PMFBP1: variants seen among roughly 807,000 people sequenced by gnomAD.
The protein encoded by PMFBP1 is polyamine modulated factor 1 binding protein 1.
A neutral mutation model predicts 137.8 loss-of-function variants in PMFBP1; 131 were observed. That is an observed-to-expected ratio of 0.95 (90% CI 0.82 to 1.10). The LOEUF (loss-of-function observed/expected upper bound fraction) is 1.10. Ranked by LOEUF, PMFBP1 falls within the 50% of genes least tolerant of loss-of-function variation. PMFBP1 has a pLI of 0.00. For synonymous variants in PMFBP1, 490 were observed against 450.4 expected, an observed-to-expected ratio of 1.09 and a Z score of -1.11; for missense variants, 1,199 against 1,175.4, an observed-to-expected ratio of 1.02 and a Z score of -0.29.
At chr16:72,239,878 C>T in the PMFBP1 span, among the ~76,000 whole-genome samples, 203 of 115,048 alleles carry the variant, frequency 1.8e-3, 1 homozygote, top group Non-Finnish European at 2.6e-3. Flanking sequence ...GAGAGAGACT[C>T]CATGTACAAA....
At chr16:72,144,545 A>T (rs1328782631) in intron 5 of PMFBP1, among the ~76,000 whole-genome samples, 1 of 152,192 alleles carries the variant, frequency 6.6e-6, no homozygotes. Flanking sequence ...AATGGTTTTG[A>T]GGCCACTGGA....
the PMFBP1 span, among the ~76,000 whole-genome samples, chr16:72,246,499 C>A: frequency 2.6e-5 from 4 of 151,968 alleles, no homozygotes; most frequent in African/African-American, 9.7e-5. Flanking sequence ...TCACGTATTT[C>A]GTGCCTTAAT....
the PMFBP1 span, among the ~76,000 whole-genome samples, chr16:72,187,749 G>A: frequency 2.0e-5 from 3 of 152,198 alleles, no homozygotes; most frequent in Non-Finnish European, 4.4e-5. Flanking sequence ...TCCCTCTGGT[G>A]TGGATGTGAA....
In PMFBP1 at chr16:72,164,859, G is replaced by C; in HGVS notation, c.70C>G (p.Leu24Val). Residue 24 changes from leucine (L) to valine (V), a missense_variant, in exon 3 of 21, where the codon CTT (leucine) becomes GTT (valine). By Grantham distance (32) the Leu-to-Val change is conservative. Coordinates refer to ENST00000237353, the MANE Select transcript of PMFBP1 (RefSeq NM_031293.3). Reference protein sequence around the residue: ...SLNSKLLSLQLDIKNLHDVCK... With the variant: ...SLNSKLLSLQVDIKNLHDVCK... ...ACATCGTGCAGATTCTTGATGTCAA[G>C]TTGCAGGCTTAACAGCTTGCTGTTC... is the stretch of plus-strand genomic sequence containing the variant. The C allele has an allele frequency of 6.2e-7, 1 of 1,610,244 alleles. No individual in the cohort carries two copies. The highest frequency in any genetic ancestry group is 8.5e-7 in the Non-Finnish European group (1 of 1,176,784).
intron 15 of PMFBP1, 67 bp downstream of exon 15, chr16:72,125,901 C>G: frequency 6.4e-7 from 1 of 1,559,548 alleles, no homozygotes; most frequent in Admixed American, 1.8e-5. Context: ...GGCTCCTGTG[C>G]TTCTCCCGCT....
chr16:72,199,879 G>T, the PMFBP1 span, among the ~76,000 whole-genome samples: 1 of 152,292 alleles, frequency 6.6e-6, no homozygotes, highest in African/African-American at 2.4e-5. Flanking sequence ...ATGGCAGCGT[G>T]GAATTAGGAT....
intron 7 of PMFBP1, among the ~76,000 whole-genome samples, chr16:72,138,719 T>G (rs1353208337): frequency 6.6e-6 from 1 of 152,022 alleles, no homozygotes. Context: ...TTTCACCAAG[T>G]TGGCCAGGTG....
chr16:72,191,749 C>T, the PMFBP1 span, among the ~76,000 whole-genome samples: 1 of 152,206 alleles, frequency 6.6e-6, no homozygotes, highest in Admixed American at 6.5e-5. Flanking sequence ...GAGGGCACAG[C>T]CACCTCTCTG....
upstream of PMFBP1, chr16:72,176,843 G>T (rs2043261076): frequency 6.6e-6 from 1 of 152,198 alleles, no homozygotes; most frequent in African/African-American, 2.4e-5. Context: ...ACCTCCACTA[G>T]TTGCTTATAC....
intron 2 of PMFBP1, among the ~76,000 whole-genome samples, chr16:72,165,726 GC>G (rs1463241043): frequency 6.6e-6 from 1 of 152,138 alleles, no homozygotes; most frequent in African/African-American, 2.4e-5. Flanking sequence ...CCAACCCAGT[GC>G]TTTTCTTTAG....
rs951455841 is a variant in PMFBP1, at chr16:72,140,883, A to G, written c.637-301T>C. ...TTTGGATATCATTCAGGAATATTTT[A>G]TGCATATTTGCATAAAAATCACTTT... is the stretch of plus-strand genomic sequence containing the variant. On this transcript the variant is annotated intron_variant, in intron 5 of 20. Transcript: ENST00000237353. Among the ~76,000 whole-genome samples the G allele has an allele frequency of 6.1e-5, 9 of 146,348 alleles. No individual in the cohort carries two copies. The South Asian group carries it at 6.5e-4, about 11-fold the overall frequency.
At chr16:72,138,611 G>A (rs2042669115) in intron 7 of PMFBP1, among the ~76,000 whole-genome samples, 1 of 152,190 alleles carries the variant, frequency 6.6e-6, no homozygotes, top group Non-Finnish European at 1.5e-5. Context: ...GACCTCCTGG[G>A]TTGAAGTGAT....
intron 4 of PMFBP1, among the ~76,000 whole-genome samples, chr16:72,153,837 C>T (rs1050201299): frequency 1.3e-5 from 2 of 148,372 alleles, no homozygotes; most frequent in Non-Finnish European, 3.0e-5. Flanking sequence ...TTTAATGGAC[C>T]TTATACCTCT....
At chr16:72,139,485 G>A in intron 6 of PMFBP1, 86 bp from the exon 7 acceptor site, 1 of 1,066,576 alleles carries the variant, frequency 9.4e-7, no homozygotes, top group Non-Finnish European at 1.4e-6. Flanking sequence ...GTTCCTTTCT[G>A]CAGCATAAGT....
chr16:72,190,648 C>T, the PMFBP1 span, among the ~76,000 whole-genome samples: 3 of 151,892 alleles, frequency 2.0e-5, no homozygotes, highest in South Asian at 2.1e-4. Context: ...CAGAGGCAGG[C>T]GGGAGAACAG....
In PMFBP1 at chr16:72,154,256, G is replaced by A. The variant is rs756339188; in HGVS notation, c.369C>T (p.Ser123=). The change falls in exon 4 of 21, where the codon TCC becomes TCT. Residue 123 remains serine (S), a synonymous_variant. Transcript: ENST00000237353. ...QYQSILEKQT[S]DLVLLHHHCK... is the part of the protein sequence containing the mutation. ...AGTGATGGTGCAGAAGAACCAGGTCGGAAGTCTGCTTCTCTAGGATGGACT... is the reference window on the plus strand; with the variant it reads ...AGTGATGGTGCAGAAGAACCAGGTCAGAAGTCTGCTTCTCTAGGATGGACT... 1.6e-5 allele frequency: 26 copies of A among 1,613,924 alleles called. No individual in the cohort carries two copies. The highest frequency in any genetic ancestry group is 8.8e-5 in the South Asian group (8 of 91,082).
chr16:72,132,298 G>T (rs2042560816), intron 10 of PMFBP1, among the ~76,000 whole-genome samples: 1 of 152,192 alleles, frequency 6.6e-6, no homozygotes, highest in South Asian at 2.1e-4. Context: ...GAGAAAGCAG[G>T]CTCTGTGGAG....
At chr16:72,142,916 C>A (rs1043008339) in intron 5 of PMFBP1, among the ~76,000 whole-genome samples, 3 of 151,884 alleles carry the variant, frequency 2.0e-5, no homozygotes, top group Non-Finnish European at 4.4e-5. Flanking sequence ...TTTAGGCCAT[C>A]AAATTAATCT....
chr16:72,187,126 AT>A, the PMFBP1 span, among the ~76,000 whole-genome samples: 138 of 150,932 alleles, frequency 9.1e-4, 1 homozygote, highest in African/African-American at 2.4e-3. Context: ...AAAAAAAAAA[AT>A]AAATAAAAAA....
Sources: allele counts gnomAD v4.1 joint callset (sites outside exome capture counted in the v4.1 genomes callset), GRCh38; gene constraint gnomAD v4.1.1; transcripts MANE v1.5; gene names NCBI Gene and HGNC (gene_info 2026-07-23, HGNC 2026-07-21).